ST7L: variants seen among roughly 807,000 people sequenced by gnomAD.
The protein encoded by ST7L is suppression of tumorigenicity 7 like.
ST7L carries 57 observed loss-of-function variants against 72.5 expected under a neutral mutation model. The ratio of observed to expected loss-of-function variants is 0.79; its 90% CI spans 0.64 to 0.98. The LOEUF (loss-of-function observed/expected upper bound fraction) is 0.98, where lower values mean the gene tolerates loss of function less well. Ranked by LOEUF, ST7L falls within the 50% of genes least tolerant of loss-of-function variation. The pLI, the probability that ST7L is intolerant of heterozygous loss-of-function variation, is 0.00. For synonymous variants in ST7L, 221 were observed against 240.9 expected (o/e 0.92, Z 0.77); for missense variants, 576 against 672.2 (o/e 0.86, Z 1.58).
chr1:112,567,671 G>A (rs1661265384), intron 11 of ST7L, among the ~76,000 whole-genome samples: 1 of 152,068 alleles, frequency 6.6e-6, no homozygotes, highest in Non-Finnish European at 1.5e-5. Context: ...ACCACATTTA[G>A]ATATCCAGAT....
At chr1:112,531,904 C>T (rs1487896841) in intron 14 of ST7L, among the ~76,000 whole-genome samples, 1 of 152,154 alleles carries the variant, frequency 6.6e-6, no homozygotes, top group African/African-American at 2.4e-5. Flanking sequence ...TGGAGTCCTT[C>T]CATTCAATAA....
At chr1:112,538,317 A>G (rs1275939079) in intron 14 of ST7L, among the ~76,000 whole-genome samples, 4 of 152,184 alleles carry the variant, frequency 2.6e-5, no homozygotes, top group Non-Finnish European at 5.9e-5. Context: ...CTACATTCAT[A>G]TACACATAAT....
chr1:112,575,542 C>T (rs1188606675), intron 11 of ST7L, among the ~76,000 whole-genome samples: 2 of 152,022 alleles, frequency 1.3e-5, no homozygotes, highest in African/African-American at 2.4e-5. Flanking sequence ...ATCTGATAAC[C>T]GAGTTGGCTA....
chr1:112,613,191 G>C (rs760749880), intron 2 of ST7L, among the ~76,000 whole-genome samples: 10 of 152,074 alleles, frequency 6.6e-5, no homozygotes, highest in Non-Finnish European at 1.5e-4. Flanking sequence ...ACAAAGTGCA[G>C]GTGGGTTTTC....
In ST7L at chr1:112,523,552, G is replaced by C. The variant is rs1262168835; in HGVS notation, c.*2461C>G. 6.6e-6 allele frequency: 1 copy of C among 152,086 alleles called. No individual in the cohort carries two copies. Among genetic ancestry groups the C allele is most frequent in the South Asian group, 2.1e-4 (1 of 4,822 alleles). 9.4% of individuals were successfully genotyped at this position (152,086 alleles called of 1,614,324 possible). A position where few individuals can be genotyped will look rare whatever the true frequency, so the allele number is the denominator to read the frequency against. ...AGCAGCAAAATGAGAACTTTATTTG[G>C]TGCAGTCAGGGCTCCATTTAGTTCC... On this transcript the variant is annotated 3_prime_UTR_variant, in exon 15 of 15. Coordinates refer to ENST00000358039, the MANE Select transcript of ST7L (RefSeq NM_017744.5).
chr1:112,582,498 ACAAC>A, intron 7 of ST7L, 26 bp from the exon 8 acceptor site: 10 of 1,384,066 alleles, frequency 7.2e-6, no homozygotes, highest in African/African-American at 1.4e-5. Context: ...AAAAAATGAT[ACAAC>A]TATCACTTTT....
intron 3 of ST7L, among the ~76,000 whole-genome samples, chr1:112,608,030 T>TC (rs1558054890): frequency 6.6e-6 from 1 of 152,234 alleles, no homozygotes; most frequent in South Asian, 2.1e-4. Context: ...AATTTTTTTT[T>TC]CCCCCTTGGA....
chr1:112,583,898 ATTG>A (rs1664484179), intron 7 of ST7L, 71 bp downstream of exon 7: 2 of 1,501,012 alleles, frequency 1.3e-6, no homozygotes, highest in Non-Finnish European at 1.8e-6. Flanking sequence ...GTTTTTTATT[ATTG>A]TTGTTTGTGT....
intron 2 of ST7L, among the ~76,000 whole-genome samples, chr1:112,611,786 C>A (rs934412711): frequency 4.0e-5 from 6 of 151,842 alleles, no homozygotes; most frequent in Non-Finnish European, 8.8e-5. Flanking sequence ...AACAGTGAGA[C>A]CTCATCTCTA....
intron 11 of ST7L, among the ~76,000 whole-genome samples, chr1:112,565,783 A>G (rs1360558194): frequency 1.3e-5 from 2 of 152,070 alleles, no homozygotes; most frequent in Non-Finnish European, 2.9e-5. Flanking sequence ...TTGGGAGGCC[A>G]AGGTGGGCGG....
intron 6 of ST7L, among the ~76,000 whole-genome samples, chr1:112,588,449 T>G (rs1379219506): frequency 6.6e-6 from 1 of 152,180 alleles, no homozygotes; most frequent in Non-Finnish European, 1.5e-5. Context: ...TTGAGGAAGT[T>G]TCCTTCCATT....
At chr1:112,536,293 T>A (rs1655192598) in intron 14 of ST7L, among the ~76,000 whole-genome samples, 1 of 152,132 alleles carries the variant, frequency 6.6e-6, no homozygotes, top group East Asian at 1.9e-4. Context: ...AGGAATTTAA[T>A]AAAGAAGTAT....
At chr1:112,558,849 C>A (rs778962200) in intron 11 of ST7L, among the ~76,000 whole-genome samples, 5 of 152,124 alleles carry the variant, frequency 3.3e-5, no homozygotes, top group Non-Finnish European at 5.9e-5. Flanking sequence ...TCGCACCAGG[C>A]GGCTGTGGGA....
chr1:112,617,905 C>T lies in ST7L; in HGVS notation c.205+1004G>A, dbSNP rs193161181. 15 of 982,746 alleles carry T rather than the reference C, an allele frequency of 1.5e-5. No homozygotes were observed. In the African/African-American group the frequency reaches 2.5e-4, roughly 16 times the overall value. The allele number at this position is 982,746 out of a possible 1,614,324, so 60.9% of individuals were successfully genotyped here. Reference sequence around the variant, plus strand: ...ACTTCATTCACCTGTTACAGAGATGCCAAATTAGCTCTTCAGTTTAGCTTA... The same window carrying T: ...ACTTCATTCACCTGTTACAGAGATGTCAAATTAGCTCTTCAGTTTAGCTTA... On this transcript the variant is annotated intron_variant, in intron 1 of 14. Transcript: ENST00000358039.
rs562480697 is a variant in ST7L at position 112,593,939 on chromosome 1, T to C, written c.623-2336A>G. Among the ~76,000 whole-genome samples, 22 of 152,266 alleles carry C rather than the reference T, an allele frequency of 1.4e-4. 1 individual carries two copies. In the South Asian group the frequency reaches 4.6e-3, roughly 32 times the overall value. ...AGATCAATATGGAATCAACAGTCCA[T>C]TTCTGAAGATCATTCACAGATACAC... On this transcript the variant is annotated intron_variant, in intron 5 of 14. Transcript: ENST00000358039.
intron 1 of ST7L, 183 bp from the exon 2 acceptor site, chr1:112,617,078 A>G (rs1223611670): frequency 1.0e-5 from 4 of 381,434 alleles, no homozygotes; most frequent in African/African-American, 8.5e-5. Flanking sequence ...TATTTGCAAC[A>G]AATCAAAATG....
intron 6 of ST7L, among the ~76,000 whole-genome samples, chr1:112,586,253 C>T (rs1233111844): frequency 6.6e-6 from 1 of 152,120 alleles, no homozygotes; most frequent in Non-Finnish European, 1.5e-5. Context: ...CACAACGAGA[C>T]CCTCTCTCTA....
At chr1:112,556,700 G>A (rs188324971) in intron 11 of ST7L, among the ~76,000 whole-genome samples, 200 of 152,036 alleles carry the variant, frequency 1.3e-3, no homozygotes, top group African/African-American at 3.3e-3. Flanking sequence ...GTACAAGGCC[G>A]AGTGCGCTGG....
chr1:112,590,986 A>G (rs1222702449), intron 6 of ST7L, among the ~76,000 whole-genome samples: 1 of 142,110 alleles, frequency 7.0e-6, no homozygotes. Context: ...GCTGGAGTGC[A>G]GTGGCATGAT....
Sources: allele counts gnomAD v4.1 joint callset (sites outside exome capture counted in the v4.1 genomes callset), GRCh38; gene constraint gnomAD v4.1.1; transcripts MANE v1.5; gene names NCBI Gene and HGNC (gene_info 2026-07-23, HGNC 2026-07-21).